The following RGSL1 variants were observed in gnomAD, a reference collection of about 807,000 sequenced individuals.
RGSL1 encodes the protein regulator of G protein signaling like 1.
A neutral mutation model predicts 124.7 loss-of-function variants in RGSL1; 97 were observed. That is an observed-to-expected ratio of 0.78 (90% CI 0.66 to 0.92). The LOEUF (loss-of-function observed/expected upper bound fraction) is 0.92. Ranked by LOEUF, RGSL1 falls within the 40% of genes least tolerant of loss-of-function variation. The probability of loss-of-function intolerance (pLI) is 0.00; values close to 1 mark genes in which losing one functional copy is unlikely to be tolerated. For missense variants in RGSL1, 1,233 were observed against 1,288.4 expected, an observed-to-expected ratio of 0.96 and a Z score of 0.66; for synonymous variants, 424 against 438.1, an observed-to-expected ratio of 0.97 and a Z score of 0.40.
intron 1 of RGSL1, chr1:182,450,650 T>C: frequency 4.8e-6 from 1 of 208,594 alleles, no homozygotes; most frequent in South Asian, 9.4e-5. Context: ...TGTCTCTATA[T>C]CTCCTTAAGA....
intron 9 of RGSL1, among the ~76,000 whole-genome samples, chr1:182,495,174 A>C (rs1048522304): frequency 6.6e-6 from 1 of 152,172 alleles, no homozygotes; most frequent in African/African-American, 2.4e-5. Flanking sequence ...TGTTGCCAGC[A>C]ACTTGAGTGT....
chr1:182,476,512 T>G (rs2102049805), intron 6 of RGSL1, among the ~76,000 whole-genome samples: 1 of 152,292 alleles, frequency 6.6e-6, no homozygotes, highest in African/African-American at 2.4e-5. Flanking sequence ...CCAAGCCCTG[T>G]CCTCTCACCT....
At chr1:182,554,928 C>T in intron 20 of RGSL1, 2 of 530,812 alleles carry the variant, frequency 3.8e-6, no homozygotes, top group Non-Finnish European at 6.8e-6. Context: ...GAGTCTCTGA[C>T]CCACTTTTCA....
At chr1:182,455,304 G>C (rs1265262920) in intron 2 of RGSL1, among the ~76,000 whole-genome samples, 1 of 152,084 alleles carries the variant, frequency 6.6e-6, no homozygotes, top group Non-Finnish European at 1.5e-5. Flanking sequence ...GGAGGAGGCG[G>C]GGCACGGTGG....
intron 15 of RGSL1, among the ~76,000 whole-genome samples, chr1:182,544,179 G>T (rs1220814891): frequency 2.6e-5 from 4 of 151,988 alleles, no homozygotes; most frequent in African/African-American, 7.2e-5. Context: ...GTATCCCATA[G>T]ATTTTGGAAT....
At chr1:182,510,796 C>A (rs542208267) in intron 9 of RGSL1, among the ~76,000 whole-genome samples, 1 of 151,926 alleles carries the variant, frequency 6.6e-6, no homozygotes, top group African/African-American at 2.4e-5. Context: ...TTTGCTATTG[C>A]GTTGTTTGAG....
At chr1:182,531,011 C>A in intron 13 of RGSL1, 101 bp downstream of exon 13, 1 of 1,350,432 alleles carries the variant, frequency 7.4e-7, no homozygotes. Flanking sequence ...GAATCTGAGA[C>A]TCAGATAAAT....
chr1:182,505,380 G>C (rs914583108), intron 9 of RGSL1, among the ~76,000 whole-genome samples: 1 of 37,780 alleles, frequency 2.6e-5, no homozygotes, highest in Non-Finnish European at 6.2e-5. Flanking sequence ...GGAGATTGGT[G>C]GTGGGGGTAT....
At chr1:182,512,048 A>G (rs1657502373) in intron 9 of RGSL1, among the ~76,000 whole-genome samples, 1 of 152,156 alleles carries the variant, frequency 6.6e-6, no homozygotes, top group Non-Finnish European at 1.5e-5. Flanking sequence ...CTGTTGGTGT[A>G]TATAAATGCT....
At chr1:182,516,252 G>A (rs1186271188) in intron 9 of RGSL1, among the ~76,000 whole-genome samples, 1 of 152,232 alleles carries the variant, frequency 6.6e-6, no homozygotes, top group Non-Finnish European at 1.5e-5. Flanking sequence ...ATTTAGGGTC[G>A]TGGGTTTCCA....
chr1:182,555,822 A>G, intron 20 of RGSL1: 1 of 590,752 alleles, frequency 1.7e-6, no homozygotes, highest in East Asian at 2.9e-5. Flanking sequence ...TACACTGGAA[A>G]AGCAATGCAT....
chr1:182,451,267 GTCCC>G (rs757235094), intron 1 of RGSL1, among the ~76,000 whole-genome samples: 2 of 134,846 alleles, frequency 1.5e-5, no homozygotes, highest in South Asian at 4.7e-4. Flanking sequence ...AAAAAACAAA[GTCCC>G]TCCTCTCACA....
intron 3 of RGSL1, 70 bp downstream of exon 3, chr1:182,458,463 T>A: frequency 7.6e-7 from 1 of 1,322,340 alleles, no homozygotes; most frequent in South Asian, 1.3e-5. Flanking sequence ...TTTTTTGTTG[T>A]TAATTTGTTT....
intron 8 of RGSL1, among the ~76,000 whole-genome samples, chr1:182,490,026 G>C (rs1168719411): frequency 6.6e-6 from 1 of 151,966 alleles, no homozygotes; most frequent in Non-Finnish European, 1.5e-5. Context: ...ATATATACCT[G>C]TGTATATGTG....
chr1:182,469,747 G>C (rs1352099691), intron 4 of RGSL1, among the ~76,000 whole-genome samples: 1 of 152,142 alleles, frequency 6.6e-6, no homozygotes, highest in Admixed American at 6.6e-5. Flanking sequence ...TGTGGAAACA[G>C]TCCAAGAAAC....
intron 6 of RGSL1, among the ~76,000 whole-genome samples, chr1:182,475,406 AC>A (rs1301123109): frequency 6.6e-6 from 1 of 152,208 alleles, no homozygotes; most frequent in Non-Finnish European, 1.5e-5. Flanking sequence ...CAGATGAGAG[AC>A]AAATAAGAGG....
chr1:182,538,785 C>T (rs1659708600), intron 14 of RGSL1, among the ~76,000 whole-genome samples: 1 of 152,078 alleles, frequency 6.6e-6, no homozygotes, highest in Non-Finnish European at 1.5e-5. Context: ...TCCTAGGCAC[C>T]TCCCTCACCT....
Position 182,493,077 on chromosome 1 carries a change from A to G in RGSL1, c.1773A>G (p.Ile591Met). 6.4e-7 allele frequency: 1 copy of G among 1,551,818 alleles called. No homozygotes were observed. The highest frequency in any genetic ancestry group is 1.2e-5 in the South Asian group (1 of 84,066). Residue 591 changes from isoleucine (I) to methionine (M), a missense_variant, in exon 9 of 22, where the codon ATA becomes ATG. Coordinates refer to ENST00000294854, the MANE Select transcript of RGSL1 (RefSeq NM_001137669.2). ...GCTACAAGAACCCAAAGATGGCCAT[A>G]CAGAAGATCAGTGATGACTACAAAA... Reference protein sequence around the residue: ...ELCYKNPKMAIQKISDDYKIY... With the variant: ...ELCYKNPKMAMQKISDDYKIY...
chr1:182,538,824 C>T (rs1042721002), intron 14 of RGSL1, among the ~76,000 whole-genome samples: 2 of 151,978 alleles, frequency 1.3e-5, no homozygotes, highest in Non-Finnish European at 2.9e-5. Flanking sequence ...GTCCTGACCC[C>T]GAGAACACTT....
Sources: allele counts gnomAD v4.1 joint callset (sites outside exome capture counted in the v4.1 genomes callset), GRCh38; gene constraint gnomAD v4.1.1; transcripts MANE v1.5; gene names NCBI Gene and HGNC (gene_info 2026-07-23, HGNC 2026-07-21).